The following SNX10 variants were observed in gnomAD, a reference collection of about 807,000 sequenced individuals.
SNX10 encodes sorting nexin 10.
A neutral mutation model predicts 28.5 loss-of-function variants in SNX10; 25 were observed. That is an observed-to-expected ratio of 0.88 (90% CI 0.64 to 1.22). The LOEUF is 1.22. SNX10 is among the 50% of genes most tolerant of loss of function. The probability of loss-of-function intolerance (pLI) is 0.00; values close to 1 mark genes in which losing one functional copy is unlikely to be tolerated. For missense variants in SNX10, 223 were observed against 242.6 expected, an observed-to-expected ratio of 0.92 and a Z score of 0.54; for synonymous variants, 62 against 81.4, an observed-to-expected ratio of 0.76 and a Z score of 1.28.
At chr7:26,354,038 T>C (rs1332277945) in intron 2 of SNX10, 2 of 152,226 alleles carry the variant, frequency 1.3e-5, no homozygotes, top group African/African-American at 4.8e-5. Context: ...TTCTGTAATC[T>C]AAGTAAATAT....
At chr7:26,372,368 C>T (rs879210090) in intron 6 of SNX10, 123 bp from the exon 7 acceptor site, 1 of 706,326 alleles carries the variant, frequency 1.4e-6, no homozygotes, top group Non-Finnish European at 2.5e-6. Flanking sequence ...ATTAAAAGTC[C>T]AAATTTCCTG....
intron 1 of SNX10, among the ~76,000 whole-genome samples, chr7:26,322,195 A>G (rs1787337721): frequency 6.6e-6 from 1 of 152,190 alleles, no homozygotes; most frequent in Admixed American, 6.5e-5. Context: ...ATACTTGAGA[A>G]GGGTTTTGGG....
At chr7:26,365,562 T>C (rs1341961986) in intron 5 of SNX10, among the ~76,000 whole-genome samples, 1 of 152,216 alleles carries the variant, frequency 6.6e-6, no homozygotes, top group Admixed American at 6.5e-5. Flanking sequence ...GCTAATATCC[T>C]TCTGGGTTCC....
intron 1 of SNX10, among the ~76,000 whole-genome samples, chr7:26,311,511 G>A (rs547774851): frequency 2.0e-5 from 3 of 152,122 alleles, no homozygotes; most frequent in East Asian, 3.9e-4. Flanking sequence ...TGTTGCACTG[G>A]GGGGAGGGAA....
At chr7:26,294,954 G>A (rs1786054711) in intron 1 of SNX10, among the ~76,000 whole-genome samples, 1 of 152,204 alleles carries the variant, frequency 6.6e-6, no homozygotes, top group South Asian at 2.1e-4. Context: ...GGCTTAGCCA[G>A]GCTTCAGTCA....
At chr7:26,312,603 G>A (rs1786892170) in intron 1 of SNX10, among the ~76,000 whole-genome samples, 1 of 152,150 alleles carries the variant, frequency 6.6e-6, no homozygotes, top group Non-Finnish European at 1.5e-5. Flanking sequence ...GGCCAATATG[G>A]TGAAACCCCG....
Position 26,371,399 on chromosome 7 carries a change from G to A in SNX10, c.312-422G>A, listed in dbSNP as rs115132898. On this transcript the variant is annotated intron_variant, in intron 5 of 6. Transcript: ENST00000338523. ...TATTTTCTTCATATAATTTTTAATAGTAGTTGAAAGTTTTGATGTTTCATG... is the reference window on the plus strand; with the variant it reads ...TATTTTCTTCATATAATTTTTAATAATAGTTGAAAGTTTTGATGTTTCATG... 4.3e-3 allele frequency among the ~76,000 whole-genome samples: 661 copies of A among 152,218 alleles called. 4 individuals are homozygous for A. Among genetic ancestry groups the A allele is most frequent in the African/African-American group, 0.015 (637 of 41,550 alleles).
At position 26,364,027 on chromosome 7, in the gene SNX10, A is replaced by G. The variant is rs2698718; in HGVS notation, c.112-508A>G. On this transcript the variant is annotated intron_variant, in intron 3 of 6. Transcript: ENST00000338523. This position sits in a 1 kb window ranked among gnomAD's most constrained non-coding sequence, Gnocchi z 4.9. ...CCTCTCACATACAGTAGAGAAGGGA[A>G]TGCTGTTCTCTAGGATTTCTGGTGA... is the stretch of plus-strand genomic sequence containing the variant. Among the ~76,000 whole-genome samples the G allele has an allele frequency of 0.44, 66,748 of 151,858 alleles. 15,545 individuals are homozygous for G. The highest frequency in any genetic ancestry group is 0.6 in the Middle Eastern group (176 of 294).
chr7:26,338,287 T>C (rs1788022939), intron 1 of SNX10, among the ~76,000 whole-genome samples: 1 of 151,972 alleles, frequency 6.6e-6, no homozygotes, highest in Non-Finnish European at 1.5e-5. Context: ...TGGCTAATTT[T>C]TGTGTATTTT....
At chr7:26,320,512 A>G (rs1787270523) in intron 1 of SNX10, among the ~76,000 whole-genome samples, 1 of 151,714 alleles carries the variant, frequency 6.6e-6, no homozygotes, top group Admixed American at 6.6e-5. Context: ...GCTCACTGCA[A>G]TCTCTGCTTC....
At chr7:26,325,911 A>G (rs1562796984) in intron 1 of SNX10, among the ~76,000 whole-genome samples, 4 of 149,364 alleles carry the variant, frequency 2.7e-5, no homozygotes, top group African/African-American at 9.9e-5. Context: ...TATTTTTAGT[A>G]GAGACAGGGT....
At chr7:26,325,792 A>G (rs1787482326) in intron 1 of SNX10, among the ~76,000 whole-genome samples, 1 of 149,538 alleles carries the variant, frequency 6.7e-6, no homozygotes, top group African/African-American at 2.5e-5. Flanking sequence ...CAGTGGTGTG[A>G]TCTCAGCTCA....
chr7:26,329,814 G>A (rs911325639), intron 1 of SNX10, among the ~76,000 whole-genome samples: 1 of 152,210 alleles, frequency 6.6e-6, no homozygotes, highest in South Asian at 2.1e-4. Context: ...CGGCACAGGA[G>A]AGAAAATAGG....
Position 26,351,646 on chromosome 7 carries a change from G to GTTTTTTTTTT in SNX10, c.24+5183_24+5192dup, listed in dbSNP as rs982361856. Among the ~76,000 whole-genome samples the GTTTTTTTTTT allele has an allele frequency of 1.5e-3, 165 of 112,614 alleles. 11 individuals carry two copies. The highest frequency in any genetic ancestry group is 2.1e-3 in the Non-Finnish European group (119 of 56,128). The allele number at this position is 112,614 out of a possible 152,430, so 73.9% of individuals were successfully genotyped here. ...AAAACTAAAGCAATCAAGCAGTCTGGTTTTTTTTTTTTGTTTTTTTTTTTT... is the reference window on the plus strand; with the variant it reads ...AAAACTAAAGCAATCAAGCAGTCTGGTTTTTTTTTTTTTTTTTTTTTTGTTTTTTTTTTTT... On this transcript the variant is annotated intron_variant, in intron 2 of 6. Transcript: ENST00000338523.
chr7:26,372,859 A>C lies in SNX10; in HGVS notation c.*287A>C, dbSNP rs886243186. On this transcript the variant is annotated 3_prime_UTR_variant, in exon 7 of 7. Transcript: ENST00000338523. ...AATGAAATGACTTACATGTTTTAAA[A>C]AACCGAGTTGGTTTTATTGAATTTA... The C allele has an allele frequency of 2.8e-5, 8 of 281,442 alleles. No homozygotes were observed. Among genetic ancestry groups the C allele is most frequent in the Non-Finnish European group, 5.3e-5 (8 of 150,136 alleles). The allele number at this position is 281,442 out of a possible 1,614,324, so 17.4% of individuals were successfully genotyped here.
intron 2 of SNX10, among the ~76,000 whole-genome samples, chr7:26,354,630 C>G (rs1256454734): frequency 6.6e-6 from 1 of 152,232 alleles, no homozygotes; most frequent in African/African-American, 2.4e-5. Context: ...ATCCTCCCAC[C>G]TTGGCCTCCC....
intron 1 of SNX10, among the ~76,000 whole-genome samples, chr7:26,296,329 G>A (rs1163149011): frequency 3.9e-5 from 6 of 152,004 alleles, no homozygotes; most frequent in African/African-American, 1.2e-4. Flanking sequence ...GAGGTGGGAG[G>A]ATTGCTTGAG....
At chr7:26,294,738 A>G (rs1407982688) in intron 1 of SNX10, among the ~76,000 whole-genome samples, 2 of 152,242 alleles carry the variant, frequency 1.3e-5, no homozygotes, top group Non-Finnish European at 1.5e-5. Context: ...ACTGTGTGGT[A>G]GGCCCTGTTA....
chr7:26,346,216 A>G (rs1236099303), intron 1 of SNX10, among the ~76,000 whole-genome samples: 1 of 152,100 alleles, frequency 6.6e-6, no homozygotes, highest in Admixed American at 6.5e-5. Flanking sequence ...TTTGGGGTCC[A>G]GACTCCTAAC....
Sources: gnomAD v4.1 joint callset for allele counts (sites outside exome capture counted in the v4.1 genomes callset) on GRCh38, gnomAD v4.1.1 for gene constraint, Gnocchi (gnomAD v3.1) non-coding constraint, MANE v1.5 for transcripts, NCBI Gene and HGNC (gene_info 2026-07-23, HGNC 2026-07-21) for gene names.